BRD10: variants seen among roughly 807,000 people sequenced by gnomAD.
BRD10 encodes bromodomain containing 10, also known as uncharacterized bromodomain-containing protein 10.
chr9:5,936,822 T>C, the BRD10 span, among the ~76,000 whole-genome samples: 1 of 152,302 alleles, frequency 6.6e-6, no homozygotes, highest in African/African-American at 2.4e-5. Context: ...TCCAGAACCA[T>C]GGAAGGTAGT....
the BRD10 span, among the ~76,000 whole-genome samples, chr9:5,943,324 A>G: frequency 3.3e-5 from 5 of 152,194 alleles, no homozygotes; most frequent in Non-Finnish European, 7.3e-5. Context: ...GTTTAAAACT[A>G]TGCATTAAAA....
chr9:5,999,454 G>GA, the BRD10 span, among the ~76,000 whole-genome samples: 5 of 152,070 alleles, frequency 3.3e-5, no homozygotes, highest in Admixed American at 3.3e-4. Context: ...AAGCAAAGCT[G>GA]AAAATTAAAG....
At chr9:5,990,793 A>T in the BRD10 span, among the ~76,000 whole-genome samples, 9 of 152,250 alleles carry the variant, frequency 5.9e-5, no homozygotes, top group African/African-American at 2.2e-4. Flanking sequence ...GTAGAAGTGT[A>T]AACTGGCAGT....
the BRD10 span, among the ~76,000 whole-genome samples, chr9:5,935,513 C>T: frequency 3.2e-4 from 48 of 152,200 alleles, no homozygotes; most frequent in African/African-American, 1.1e-3. Flanking sequence ...AAGAATGAAC[C>T]GTGGACTAGA....
the BRD10 span, among the ~76,000 whole-genome samples, chr9:5,962,155 C>T: frequency 4.0e-5 from 6 of 151,870 alleles, no homozygotes; most frequent in Admixed American, 6.6e-5. Context: ...TTTGATAGAC[C>T]GCTAGCAAGA....
chr9:5,902,166 T>A, the BRD10 span, among the ~76,000 whole-genome samples: 4 of 152,212 alleles, frequency 2.6e-5, no homozygotes, highest in African/African-American at 9.7e-5. Context: ...AAAGTTATTA[T>A]TGATTCAATT....
the BRD10 span, among the ~76,000 whole-genome samples, chr9:5,965,316 T>G: frequency 6.6e-6 from 1 of 150,792 alleles, no homozygotes; most frequent in Non-Finnish European, 1.5e-5. Flanking sequence ...TAAAATAAAT[T>G]CAAAAAAAAA....
chr9:5,981,561 C>T, the BRD10 span, among the ~76,000 whole-genome samples: 1 of 152,304 alleles, frequency 6.6e-6, no homozygotes, highest in South Asian at 2.1e-4. Flanking sequence ...ATCTATCTAT[C>T]TATCTATCCA....
At chr9:5,962,323 T>G in the BRD10 span, among the ~76,000 whole-genome samples, 2 of 112,364 alleles carry the variant, frequency 1.8e-5, no homozygotes, top group African/African-American at 3.5e-5. Flanking sequence ...ATGGATAAAT[T>G]CCTCGACACA....
chr9:5,921,837 C>T, the BRD10 span: 3 of 1,613,988 alleles, frequency 1.9e-6, no homozygotes, highest in East Asian at 4.5e-5. Flanking sequence ...GAAGTTTTAT[C>T]TATCACGTGG....
the BRD10 span, among the ~76,000 whole-genome samples, chr9:6,001,008 C>A: frequency 6.6e-6 from 1 of 152,164 alleles, no homozygotes; most frequent in East Asian, 1.9e-4. Flanking sequence ...TCTTATAATT[C>A]TCAGCTGGGT....
chr9:5,956,297 C>T, the BRD10 span, among the ~76,000 whole-genome samples: 1 of 152,114 alleles, frequency 6.6e-6, no homozygotes, highest in African/African-American at 2.4e-5. Context: ...AAGGTGGTTA[C>T]TTGGTATTTC....
chr9:5,921,155 T>A, the BRD10 span: 1 of 1,613,968 alleles, frequency 6.2e-7, no homozygotes, highest in Non-Finnish European at 8.5e-7. Flanking sequence ...TGGCAAAATA[T>A]AGCCCTTGCT....
chr9:5,996,045 C>G, the BRD10 span, among the ~76,000 whole-genome samples: 1 of 152,094 alleles, frequency 6.6e-6, no homozygotes, highest in Non-Finnish European at 1.5e-5. Context: ...ATTACACAAC[C>G]AACTGGAAAA....
the BRD10 span, chr9:5,933,832 T>C: frequency 2.1e-6 from 1 of 470,978 alleles, no homozygotes; most frequent in South Asian, 1.5e-5. Flanking sequence ...GGCTGGAGTG[T>C]GGCAAGGAGA....
the BRD10 span, chr9:5,923,202 G>C: frequency 6.2e-7 from 1 of 1,613,990 alleles, no homozygotes; most frequent in East Asian, 2.2e-5. Flanking sequence ...TTGGACTGTC[G>C]TTTAAGTGTT....
the BRD10 span, among the ~76,000 whole-genome samples, chr9:5,982,182 C>T: frequency 1.3e-5 from 2 of 152,066 alleles, no homozygotes; most frequent in Non-Finnish European, 2.9e-5. Context: ...GAAATGACCA[C>T]TTTTTGTGGT....
At chr9:5,905,259 T>A in the BRD10 span, among the ~76,000 whole-genome samples, 1 of 152,286 alleles carries the variant, frequency 6.6e-6, no homozygotes, top group Non-Finnish European at 1.5e-5. Context: ...AACAACTGAA[T>A]GGACCCCCTC....
At chr9:5,915,057 A>C in the BRD10 span, among the ~76,000 whole-genome samples, 1 of 152,240 alleles carries the variant, frequency 6.6e-6, no homozygotes, top group Non-Finnish European at 1.5e-5. Flanking sequence ...TTAGCACTAA[A>C]TTAATAGATT....
Sources: gnomAD v4.1 joint callset for allele counts (sites outside exome capture counted in the v4.1 genomes callset) on GRCh38, gnomAD v4.1.1 for gene constraint, MANE v1.5 for transcripts, NCBI Gene and HGNC (gene_info 2026-07-23, HGNC 2026-07-21) for gene names.